Variants in CLSTN2 observed in about 807,000 individuals in gnomAD.
CLSTN2 encodes the protein calsyntenin-2.
A neutral mutation model predicts 101.2 loss-of-function variants in CLSTN2; 48 were observed. That is an observed-to-expected ratio of 0.47 (90% CI 0.38 to 0.60). The LOEUF (loss-of-function observed/expected upper bound fraction) is 0.60. CLSTN2 is among the 20% of genes least tolerant of loss of function. CLSTN2 has a pLI of 0.00. For missense variants in CLSTN2, 1,160 were observed against 1,238.2 expected (o/e 0.94, Z 0.95); for synonymous variants, 481 against 463.6 (o/e 1.04, Z -0.48).
At chr3:140,497,556 C>T (rs1934493462) in intron 8 of CLSTN2, among the ~76,000 whole-genome samples, 1 of 152,194 alleles carries the variant, frequency 6.6e-6, no homozygotes, top group African/African-American at 2.4e-5. Flanking sequence ...CAGGCATTCT[C>T]CAGCCTGCTG....
At chr3:140,298,327 G>A (rs2087022577) in intron 2 of CLSTN2, among the ~76,000 whole-genome samples, 2 of 152,082 alleles carry the variant, frequency 1.3e-5, no homozygotes, top group Admixed American at 1.3e-4. Flanking sequence ...AAATATTTGA[G>A]GCCATAATCT....
chr3:140,522,019 C>T (rs349572), intron 8 of CLSTN2, among the ~76,000 whole-genome samples: 27,226 of 152,160 alleles, frequency 0.18, 2,834 homozygotes, highest in East Asian at 0.35. Flanking sequence ...CTCCACACAC[C>T]TCTGTGAGTC....
intron 5 of CLSTN2, 144 bp downstream of exon 5, chr3:140,421,418 C>G (rs1021284458): frequency 1.0e-6 from 1 of 997,908 alleles, no homozygotes; most frequent in African/African-American, 1.6e-5. Flanking sequence ...TGCTTATTCT[C>G]ACAACTCTTA....
chr3:140,299,107 A>C (rs2087030078), intron 2 of CLSTN2, among the ~76,000 whole-genome samples: 1 of 152,162 alleles, frequency 6.6e-6, no homozygotes, highest in Non-Finnish European at 1.5e-5. Context: ...CTAACAGCCC[A>C]GTGTCAAGTG....
chr3:140,171,845 TA>T (rs1559797442), intron 1 of CLSTN2, among the ~76,000 whole-genome samples: 2 of 113,618 alleles, frequency 1.8e-5, no homozygotes, highest in East Asian at 2.2e-4. Flanking sequence ...ATATATAATA[TA>T]ATATATATAT....
intron 2 of CLSTN2, among the ~76,000 whole-genome samples, chr3:140,237,276 C>G (rs555454621): frequency 6.6e-6 from 1 of 152,166 alleles, no homozygotes. Context: ...ACTACTGACG[C>G]AATACTCCAT....
chr3:140,191,730 A>C (rs1245560244), intron 2 of CLSTN2, among the ~76,000 whole-genome samples: 1 of 151,926 alleles, frequency 6.6e-6, no homozygotes, highest in Non-Finnish European at 1.5e-5. Context: ...CAGGATCTGT[A>C]ATATCTGCCA....
intron 1 of CLSTN2, among the ~76,000 whole-genome samples, chr3:140,059,677 G>A (rs1262262988): frequency 6.6e-6 from 1 of 152,136 alleles, no homozygotes; most frequent in Admixed American, 6.5e-5. Flanking sequence ...CAGTGAAGAA[G>A]CTTGCCCTAT....
intron 1 of CLSTN2, among the ~76,000 whole-genome samples, chr3:140,148,276 C>A (rs2009812017): frequency 6.6e-6 from 1 of 152,176 alleles, no homozygotes; most frequent in Non-Finnish European, 1.5e-5. Flanking sequence ...CCAAGGAGAG[C>A]TCAGAGAACT....
chr3:140,302,199 A>G (rs1201963983), intron 2 of CLSTN2, among the ~76,000 whole-genome samples: 1 of 152,134 alleles, frequency 6.6e-6, no homozygotes. Context: ...TTGTTTTTCC[A>G]TTTAGAAAAA....
intron 1 of CLSTN2, among the ~76,000 whole-genome samples, chr3:139,951,908 C>T (rs778525301): frequency 3.3e-5 from 5 of 152,020 alleles, no homozygotes; most frequent in Admixed American, 2.6e-4. Flanking sequence ...TTAATTTTCT[C>T]GTGGATAATT....
At chr3:140,122,234 C>A (rs34413884) in intron 1 of CLSTN2, among the ~76,000 whole-genome samples, 62,706 of 152,022 alleles carry the variant, frequency 0.41, 14,355 homozygotes, top group Admixed American at 0.54. Flanking sequence ...CAGAAGACAC[C>A]TATCCCCACT....
intron 12 of CLSTN2, among the ~76,000 whole-genome samples, chr3:140,559,966 T>C (rs1355280049): frequency 6.6e-6 from 1 of 152,174 alleles, no homozygotes; most frequent in Admixed American, 6.5e-5. Context: ...TCCCCTGTTC[T>C]CATTTGTGGC....
At chr3:140,048,508 T>A (rs1377057985) in intron 1 of CLSTN2, among the ~76,000 whole-genome samples, 1 of 152,230 alleles carries the variant, frequency 6.6e-6, no homozygotes, top group Non-Finnish European at 1.5e-5. Context: ...GGGCCAGGCA[T>A]TGTCCACATT....
chr3:140,112,981 G>T (rs1163013685), intron 1 of CLSTN2, among the ~76,000 whole-genome samples: 1 of 152,074 alleles, frequency 6.6e-6, no homozygotes, highest in African/African-American at 2.4e-5. Flanking sequence ...TCCAGGAGAG[G>T]CCCTAACATG....
chr3:140,348,228 C>T (rs2087569104), intron 2 of CLSTN2, among the ~76,000 whole-genome samples: 1 of 152,178 alleles, frequency 6.6e-6, no homozygotes, highest in South Asian at 2.1e-4. Context: ...AAAGAAACCA[C>T]ATTTTGCAGT....
intron 2 of CLSTN2, among the ~76,000 whole-genome samples, chr3:140,343,998 G>C (rs756900789): frequency 2.6e-5 from 4 of 152,224 alleles, no homozygotes; most frequent in Non-Finnish European, 5.9e-5. Context: ...AAGCCTCAGA[G>C]TCATTTTTGC....
intron 1 of CLSTN2, among the ~76,000 whole-genome samples, chr3:140,168,717 A>G (rs143368235): frequency 2.6e-5 from 4 of 152,082 alleles, no homozygotes; most frequent in African/African-American, 7.2e-5. Context: ...TGGCATATAG[A>G]TATTCATTTT....
intron 8 of CLSTN2, among the ~76,000 whole-genome samples, chr3:140,521,286 T>G (rs761144895): frequency 1.3e-5 from 2 of 152,194 alleles, no homozygotes; most frequent in Non-Finnish European, 2.9e-5. Flanking sequence ...ACCTTCGATC[T>G]TTGAGGTTGC....
Sources: gnomAD v4.1 joint callset for allele counts (sites outside exome capture counted in the v4.1 genomes callset) on GRCh38, gnomAD v4.1.1 for gene constraint, MANE v1.5 for transcripts, NCBI Gene and HGNC (gene_info 2026-07-23, HGNC 2026-07-21) for gene names.